Variants in IRAK1BP1 observed in about 807,000 individuals in gnomAD.
The protein encoded by IRAK1BP1 is interleukin-1 receptor-associated kinase 1-binding protein 1.
In IRAK1BP1, 24 loss-of-function variants were observed where a neutral mutation model predicts 28.0. That is an observed-to-expected ratio of 0.86 (90% CI 0.62 to 1.20). The LOEUF is 1.20. IRAK1BP1 is among the 50% of genes most tolerant of loss of function. The pLI, the probability that IRAK1BP1 is intolerant of heterozygous loss-of-function variation, is 0.00. For missense variants in IRAK1BP1, 336 were observed against 316.7 expected (o/e 1.06, Z -0.46); for synonymous variants, 131 against 116.3 (o/e 1.13, Z -0.81).
At chr6:78,945,340 C>G in intron 4 of IRAK1BP1, 1 of 1,613,738 alleles carries the variant, frequency 6.2e-7, no homozygotes, top group Non-Finnish European at 8.5e-7. Flanking sequence ...GAGTGGACGC[C>G]TTTGGGAGTA....
the IRAK1BP1 span, chr6:78,961,570 C>G: frequency 1.1e-6 from 1 of 876,024 alleles, no homozygotes; most frequent in Non-Finnish European, 1.8e-6. Flanking sequence ...TTAACATAAT[C>G]CCCATAATCT....
intron 4 of IRAK1BP1, among the ~76,000 whole-genome samples, chr6:78,928,268 T>C (rs1772944709): frequency 1.3e-5 from 2 of 152,154 alleles, no homozygotes; most frequent in African/African-American, 4.8e-5. Flanking sequence ...TAATTTTATT[T>C]GTGGTTATTA....
intron 4 of IRAK1BP1, among the ~76,000 whole-genome samples, chr6:78,932,433 T>TTG (rs1773080217): frequency 1.3e-5 from 2 of 149,520 alleles, no homozygotes; most frequent in South Asian, 4.3e-4. Context: ...TTTTTTTTTT[T>TTG]TTTTTGAGAT....
chr6:78,901,129 G>A lies in IRAK1BP1; in HGVS notation c.*2795G>A, dbSNP rs185912782. ...TTAGCTATGGGTTCATGCTGTATTT[G>A]GTTGCATCATATTTGATAAAGAAGC... is the stretch of plus-strand genomic sequence containing the variant. On this transcript the variant is annotated 3_prime_UTR_variant, in exon 4 of 4. Transcript: ENST00000369940. 45 of 150,408 alleles carry A rather than the reference G, an allele frequency of 3.0e-4. No individual in the cohort carries two copies. The highest frequency in any genetic ancestry group is 7.3e-4 in the Admixed American group (11 of 15,112). The allele number at this position is 150,408 out of a possible 1,614,324, so 9.3% of individuals were successfully genotyped here.
chr6:78,889,116 CAAAAA>C (rs201870779), intron 2 of IRAK1BP1, among the ~76,000 whole-genome samples: 1 of 79,850 alleles, frequency 1.3e-5, no homozygotes, highest in Admixed American at 1.3e-4. Flanking sequence ...GACTCTGTCT[CAAAAA>C]AAAAAAAAAA....
At chr6:78,972,604 A>G in the IRAK1BP1 span, among the ~76,000 whole-genome samples, 2 of 152,164 alleles carry the variant, frequency 1.3e-5, no homozygotes, top group African/African-American at 4.8e-5. Flanking sequence ...CATTCAAACC[A>G]AAGGCAAAGA....
chr6:78,964,546 G>A, the IRAK1BP1 span, among the ~76,000 whole-genome samples: 3 of 152,086 alleles, frequency 2.0e-5, no homozygotes, highest in East Asian at 1.9e-4. Context: ...AGGCTGGAGC[G>A]CAGTGGTGCA....
the IRAK1BP1 span, among the ~76,000 whole-genome samples, chr6:78,967,950 C>T: frequency 5.3e-5 from 8 of 151,632 alleles, no homozygotes; most frequent in South Asian, 6.3e-4. Context: ...CTGGCTAACG[C>T]GGTGAAACCC....
At chr6:78,978,278 C>T in the IRAK1BP1 span, among the ~76,000 whole-genome samples, 2 of 151,752 alleles carry the variant, frequency 1.3e-5, no homozygotes, top group Non-Finnish European at 2.9e-5. Flanking sequence ...TACATTAAGC[C>T]TTAAGATAAA....
chr6:78,921,062 T>C (rs1403047869), intron 4 of IRAK1BP1, among the ~76,000 whole-genome samples: 1 of 152,150 alleles, frequency 6.6e-6, no homozygotes, highest in African/African-American at 2.4e-5. Flanking sequence ...TCACTGGGGA[T>C]TGTCATCCAG....
chr6:78,881,145 TA>T (rs1581999993), intron 1 of IRAK1BP1, among the ~76,000 whole-genome samples: 1 of 152,230 alleles, frequency 6.6e-6, no homozygotes, highest in East Asian at 1.9e-4. Flanking sequence ...TGGCATGGAT[TA>T]AAAAAATTGT....
At chr6:78,947,244 A>G (rs2127683263), downstream of IRAK1BP1, among the ~76,000 whole-genome samples, 1 of 152,132 alleles carries the variant, frequency 6.6e-6, no homozygotes, top group Admixed American at 6.5e-5. Context: ...GCTATATAGC[A>G]CTCCTTTGTG....
downstream of IRAK1BP1, among the ~76,000 whole-genome samples, chr6:78,949,944 C>A (rs915490819): frequency 2.6e-5 from 4 of 152,180 alleles, no homozygotes; most frequent in African/African-American, 9.7e-5. Context: ...CTACCTTGGC[C>A]TCCCAAAGTG....
chr6:78,909,494 T>A (rs1448743519), intron 4 of IRAK1BP1, among the ~76,000 whole-genome samples: 1 of 152,236 alleles, frequency 6.6e-6, no homozygotes. Flanking sequence ...TAAAGAGACA[T>A]GTATTTGTAT....
chr6:78,972,920 G>A, the IRAK1BP1 span, among the ~76,000 whole-genome samples: 1 of 152,214 alleles, frequency 6.6e-6, no homozygotes, highest in African/African-American at 2.4e-5. Context: ...ACCTGAAAGT[G>A]ATGGGGAGAA....
chr6:78,922,428 A>T (rs1160211683), intron 4 of IRAK1BP1, among the ~76,000 whole-genome samples: 1 of 152,262 alleles, frequency 6.6e-6, no homozygotes, highest in Non-Finnish European at 1.5e-5. Flanking sequence ...CTATGTGAAA[A>T]GACCAAATCT....
At chr6:78,884,347 A>G (rs865782875) in intron 1 of IRAK1BP1, among the ~76,000 whole-genome samples, 1 of 152,200 alleles carries the variant, frequency 6.6e-6, no homozygotes, top group African/African-American at 2.4e-5. Flanking sequence ...AAAAAATTAC[A>G]TAAAATATAA....
chr6:78,888,699 T>A (rs542093850), intron 2 of IRAK1BP1, among the ~76,000 whole-genome samples: 1 of 152,098 alleles, frequency 6.6e-6, no homozygotes, highest in East Asian at 2.0e-4. Flanking sequence ...AGAGATGGGA[T>A]TTCACCATGT....
At chr6:78,888,823 A>G (rs1315695739) in intron 2 of IRAK1BP1, among the ~76,000 whole-genome samples, 2 of 152,068 alleles carry the variant, frequency 1.3e-5, no homozygotes, top group Non-Finnish European at 2.9e-5. Flanking sequence ...AATTTTTTTT[A>G]AAGAATAGAT....
Sources: allele counts gnomAD v4.1 joint callset (sites outside exome capture counted in the v4.1 genomes callset), GRCh38; gene constraint gnomAD v4.1.1; transcripts MANE v1.5; gene names NCBI Gene and HGNC (gene_info 2026-07-23, HGNC 2026-07-21).